Variants in RBKS observed in about 807,000 individuals in gnomAD.
RBKS encodes the protein ribokinase.
RBKS carries 33 observed loss-of-function variants against 33.9 expected under a neutral mutation model. The ratio of observed to expected loss-of-function variants is 0.97; its 90% CI spans 0.74 to 1.30. The LOEUF is 1.30. RBKS is among the 50% of genes most tolerant of loss of function. The pLI, the probability that RBKS is intolerant of heterozygous loss-of-function variation, is 0.00. For synonymous variants in RBKS, 125 were observed against 143.0 expected (o/e 0.87, Z 0.90); for missense variants, 361 against 392.6 (o/e 0.92, Z 0.68).
Position 27,810,855 on chromosome 2 carries a change from T to C in RBKS, c.795+16712A>G, listed in dbSNP as rs1677975775. Among the ~76,000 whole-genome samples, 2 of 152,216 alleles carry C rather than the reference T, an allele frequency of 1.3e-5. No homozygotes were observed. Among genetic ancestry groups the C allele is most frequent in the South Asian group, 4.1e-4 (2 of 4,832 alleles). ...CTGACTCCAGTCTTGTAAACTCCAA[T>C]TTATTCTTCACACAGCAGCCATATT... On this transcript the variant is annotated intron_variant, in intron 7 of 7. Coordinates refer to ENST00000302188, the MANE Select transcript of RBKS (RefSeq NM_022128.3). This position sits in a 1 kb window ranked among gnomAD's most constrained non-coding sequence, Gnocchi z 4.4.
chr2:27,889,819 G>T (rs1664673622), intron 1 of RBKS: 2 of 157,738 alleles, frequency 1.3e-5, no homozygotes, highest in African/African-American at 2.4e-5. Flanking sequence ...ACCCAATTTG[G>T]ATAATGTTAC....
intron 1 of RBKS, among the ~76,000 whole-genome samples, chr2:27,875,644 A>G (rs2148228891): frequency 6.6e-6 from 1 of 152,348 alleles, no homozygotes; most frequent in East Asian, 1.9e-4. Flanking sequence ...ACATGAGTCC[A>G]AAAGATAAGT....
At chr2:27,844,988 A>AG (rs1663594872) in intron 4 of RBKS, among the ~76,000 whole-genome samples, 1 of 152,222 alleles carries the variant, frequency 6.6e-6, no homozygotes, top group South Asian at 2.1e-4. Flanking sequence ...ATCTTACCAC[A>AG]GATGTGTTTG....
chr2:27,784,014 C>T (rs1176939279), intron 7 of RBKS, among the ~76,000 whole-genome samples: 2 of 64,504 alleles, frequency 3.1e-5, no homozygotes, highest in Admixed American at 2.7e-4. Flanking sequence ...GACGGAGTCT[C>T]GCTCTGTCGC....
intron 5 of RBKS, among the ~76,000 whole-genome samples, chr2:27,834,383 A>G (rs1037369619): frequency 1.3e-5 from 2 of 152,214 alleles, no homozygotes; most frequent in Non-Finnish European, 2.9e-5. Flanking sequence ...GTATAGAGTT[A>G]TTGTGCAGCT....
intron 7 of RBKS, among the ~76,000 whole-genome samples, chr2:27,784,149 AATTTTTTGT>A (rs1677354260): frequency 6.7e-6 from 1 of 149,110 alleles, no homozygotes; most frequent in African/African-American, 2.5e-5. Context: ...ACGCCCGGCT[AATTTTTTGT>A]ATTTTTAGTA....
rs1397935633 is a variant in RBKS, at chr2:27,801,949, G to GAA, written c.796-20162_796-20161insTT. 3.2e-3 allele frequency among the ~76,000 whole-genome samples: 173 copies of GAA among 54,668 alleles called. 5 individuals carry two copies. Among genetic ancestry groups the GAA allele is most frequent in the East Asian group, 0.018 (26 of 1,458 alleles). 35.9% of individuals were successfully genotyped at this position (54,668 alleles called of 152,430 possible). On this transcript the variant is annotated intron_variant, in intron 7 of 7. Transcript: ENST00000302188. ...CTGTCTCAGTTTCCCGAGTAGCTGG[G>GAA]GAAAAAAAAAAAAAATATATATATA... is the stretch of plus-strand genomic sequence containing the variant.
At chr2:27,791,276 T>C (rs1251749367) in intron 7 of RBKS, among the ~76,000 whole-genome samples, 2 of 152,220 alleles carry the variant, frequency 1.3e-5, no homozygotes, top group African/African-American at 2.4e-5. Context: ...TTCTGTTTAA[T>C]AGAAATAATG....
intron 7 of RBKS, among the ~76,000 whole-genome samples, chr2:27,819,904 ACAAACTAC>A (rs1225964292): frequency 6.6e-6 from 1 of 152,242 alleles, no homozygotes; most frequent in Non-Finnish European, 1.5e-5. Flanking sequence ...AAAGTATATA[ACAAACTAC>A]CAGACAGAAG....
chr2:27,835,384 T>C lies in RBKS; in HGVS notation c.515-2607A>G, dbSNP rs190935403. Among the ~76,000 whole-genome samples the C allele has an allele frequency of 3.9e-5, 6 of 152,082 alleles. No homozygotes were observed. In the East Asian group the frequency reaches 1.2e-3, roughly 29 times the overall value. On this transcript the variant is annotated intron_variant, in intron 5 of 7. Coordinates refer to ENST00000302188, the MANE Select transcript of RBKS (RefSeq NM_022128.3). Reference sequence around the variant, plus strand: ...CGTTTATCAAGAAAGATTTCTATAATTTATTTATAAGTGAACAAGGAAGTT... The same window carrying C: ...CGTTTATCAAGAAAGATTTCTATAACTTATTTATAAGTGAACAAGGAAGTT...
intron 7 of RBKS, among the ~76,000 whole-genome samples, chr2:27,791,163 G>T (rs147433425): frequency 1.2e-4 from 19 of 152,310 alleles, no homozygotes; most frequent in Non-Finnish European, 2.4e-4. Context: ...GAGAAGCCAG[G>T]CACAAAAGAC....
intron 1 of RBKS, among the ~76,000 whole-genome samples, chr2:27,871,507 T>C (rs958673195): frequency 2.6e-5 from 4 of 152,208 alleles, no homozygotes; most frequent in Admixed American, 2.6e-4. Context: ...CATTGGGTCT[T>C]TCCCCCCTTT....
intron 7 of RBKS, among the ~76,000 whole-genome samples, chr2:27,794,157 C>T (rs1194474788): frequency 8.6e-5 from 13 of 151,450 alleles, no homozygotes; most frequent in African/African-American, 1.9e-4. Flanking sequence ...ATTAGCCGGG[C>T]GTGGTGGTGC....
rs146532162 is a variant in RBKS, at chr2:27,858,498, C to A, written c.163G>T (p.Gly55Cys). The A allele has an allele frequency of 2.5e-6, 4 of 1,614,000 alleles. No homozygotes were observed. The African/African-American group carries it at 5.3e-5, about 22-fold the overall frequency. The change falls in exon 2 of 8, where the codon GGT (glycine) becomes TGT (cysteine). Residue 55 changes from glycine (G) to cysteine (C), a missense_variant. Gly to Cys is a radical substitution (Grantham distance 159, BLOSUM62 -3). Transcript: ENST00000302188. ...GCAGCTTGGACACACTGGTTGGCACCTTTCCCTCCAAAGCCAATAAAAAAC... is the reference window on the plus strand; with the variant it reads ...GCAGCTTGGACACACTGGTTGGCACATTTCCCTCCAAAGCCAATAAAAAAC... ...HKFFIGFGGK[G>C]ANQCVQAARL...
chr2:27,849,138 T>A (rs917509097), intron 2 of RBKS, among the ~76,000 whole-genome samples: 9 of 152,206 alleles, frequency 5.9e-5, no homozygotes, highest in Admixed American at 4.6e-4. Flanking sequence ...CCCTAAGTCA[T>A]CTGAAGCCAG....
At chr2:27,801,232 G>T (rs1677773262) in intron 7 of RBKS, among the ~76,000 whole-genome samples, 1 of 152,044 alleles carries the variant, frequency 6.6e-6, no homozygotes, top group Non-Finnish European at 1.5e-5. Context: ...CTGAGGTCAG[G>T]GCCTATCCTG....
At chr2:27,813,580 C>T (rs1678032573) in intron 7 of RBKS, among the ~76,000 whole-genome samples, 1 of 150,868 alleles carries the variant, frequency 6.6e-6, no homozygotes, top group Non-Finnish European at 1.5e-5. Flanking sequence ...TACTGAGAGT[C>T]CAGGATATAG....
intron 7 of RBKS, among the ~76,000 whole-genome samples, chr2:27,802,925 C>T (rs1677828635): frequency 6.6e-6 from 1 of 152,206 alleles, no homozygotes; most frequent in African/African-American, 2.4e-5. Flanking sequence ...TGCCATTAGG[C>T]ACAGTGCCGC....
chr2:27,838,243 C>T (rs780036359), intron 5 of RBKS, among the ~76,000 whole-genome samples: 64 of 151,828 alleles, frequency 4.2e-4, no homozygotes, highest in Non-Finnish European at 8.4e-4. Context: ...CACATGTACC[C>T]CCGTGTCTAA....
Sources: gnomAD v4.1 joint callset for allele counts (sites outside exome capture counted in the v4.1 genomes callset) on GRCh38, gnomAD v4.1.1 for gene constraint, Gnocchi (gnomAD v3.1) non-coding constraint, MANE v1.5 for transcripts, NCBI Gene and HGNC (gene_info 2026-07-23, HGNC 2026-07-21) for gene names.